EPS8L3: variants seen among roughly 807,000 people sequenced by gnomAD.
EPS8L3 encodes the protein EPS8 signaling adaptor L3, also known as epidermal growth factor receptor kinase substrate 8-like protein 3.
EPS8L3 carries 80 observed loss-of-function variants against 88.5 expected under a neutral mutation model. The ratio of observed to expected loss-of-function variants is 0.90; its 90% CI spans 0.75 to 1.09. The LOEUF (loss-of-function observed/expected upper bound fraction) is 1.09. Ranked by LOEUF, EPS8L3 falls within the 50% of genes least tolerant of loss-of-function variation. The pLI, the probability that EPS8L3 is intolerant of heterozygous loss-of-function variation, is 0.00. For missense variants in EPS8L3, 721 were observed against 735.2 expected (o/e 0.98, Z 0.22); for synonymous variants, 286 against 291.0 (o/e 0.98, Z 0.18).
At chr1:109,750,633 G>T in intron 18 of EPS8L3, 27 bp downstream of exon 18, 1 of 1,613,944 alleles carries the variant, frequency 6.2e-7, no homozygotes, top group Non-Finnish European at 8.5e-7. Flanking sequence ...ACTCCCAATG[G>T]TTGTCAGGAC....
At chr1:109,761,951 C>T (rs1558003112) in intron 1 of EPS8L3, among the ~76,000 whole-genome samples, 178 bp from the exon 2 acceptor site, 1 of 152,068 alleles carries the variant, frequency 6.6e-6, no homozygotes, top group African/African-American at 2.4e-5. Context: ...ACTGAGGAGC[C>T]CTCCATCCTG....
chr1:109,761,594 CAGA>C (rs757765388), intron 2 of EPS8L3, 35 bp from the exon 3 acceptor site: 16 of 1,611,802 alleles, frequency 9.9e-6, no homozygotes, highest in African/African-American at 1.3e-5. Context: ...GGGAGGTGGG[CAGA>C]AGAACGAGGT....
intron 1 of EPS8L3, among the ~76,000 whole-genome samples, chr1:109,762,060 G>A (rs72991176): frequency 0.019 from 2,848 of 152,282 alleles, 83 homozygotes; most frequent in African/African-American, 0.064. Flanking sequence ...TGGTTTGGCT[G>A]ATAAAGCTCA....
chr1:109,753,372 C>A (rs967368438), intron 12 of EPS8L3, among the ~76,000 whole-genome samples, 174 bp from the exon 13 acceptor site: 5 of 152,186 alleles, frequency 3.3e-5, no homozygotes, highest in African/African-American at 1.2e-4. Context: ...AAGGAGCAAG[C>A]AGTTAAGCCT....
Position 109,750,700 on chromosome 1 carries a change from C to T in EPS8L3, c.1730G>A (p.Arg577Gln), listed in dbSNP as rs577159080. 15 of 1,614,202 alleles carry T rather than the reference C, an allele frequency of 9.3e-6. No individual in the cohort carries two copies. The highest frequency in any genetic ancestry group is 7.7e-5 in the South Asian group (7 of 91,078). The change falls in exon 18 of 19, where the codon CGA (arginine) becomes CAA (glutamine). Residue 577 changes from arginine to glutamine, a missense_variant. Coordinates refer to ENST00000361965, the MANE Select transcript of EPS8L3 (RefSeq NM_133181.4). ...LQMLCPQEAP[R>Q]ILSRLEAVRR... ...GACAGCCTCCAGCCGGGACAGGATT[C>T]GTGGGGCCTCCTGTGGACATAGCAT...
intron 16 of EPS8L3, 104 bp from the exon 17 acceptor site, chr1:109,751,455 C>G: frequency 7.2e-7 from 1 of 1,395,682 alleles, no homozygotes; most frequent in Non-Finnish European, 1.0e-6. Flanking sequence ...AATCACTTCT[C>G]TTACTCTGTG....
At chr1:109,762,670 C>A (rs1053313191) in intron 1 of EPS8L3, among the ~76,000 whole-genome samples, 1 of 152,190 alleles carries the variant, frequency 6.6e-6, no homozygotes, top group Non-Finnish European at 1.5e-5. Context: ...ACGGCGTTAC[C>A]TTCAGTCACT....
At chr1:109,755,246 G>A (rs1482125799) in intron 12 of EPS8L3, among the ~76,000 whole-genome samples, 1 of 152,214 alleles carries the variant, frequency 6.6e-6, no homozygotes, top group African/African-American at 2.4e-5. Context: ...AGTGGGTAAT[G>A]GGGAATTATT....
In EPS8L3 at chr1:109,753,952, TA is replaced by T. The variant is rs1421996636; in HGVS notation, c.1119-755del. Among the ~76,000 whole-genome samples, 3 of 152,192 alleles carry T rather than the reference TA, an allele frequency of 2.0e-5. No homozygotes were observed. The East Asian group carries it at 5.8e-4, about 29-fold the overall frequency. On this transcript the variant is annotated intron_variant, in intron 12 of 18. Coordinates refer to ENST00000361965, the MANE Select transcript of EPS8L3 (RefSeq NM_133181.4). ...TTAGCTCTTTGTTTCTTACTATATA[TA>T]GATTTCCTTGGGGGCTGTACCCCTA...
In EPS8L3 at chr1:109,758,338, G is replaced by A; in HGVS notation, c.695C>T (p.Pro232Leu). The A allele has an allele frequency of 6.2e-7, 1 of 1,613,628 alleles. No individual in the cohort carries two copies. The highest frequency in any genetic ancestry group is 8.5e-7 in the Non-Finnish European group (1 of 1,179,830). ...TLPPPRRSSS[P>L]EDPERDEEVL... ...TACCTCGTCCCTCTCTGGGTCCTCG[G>A]GGGAAGAGGACCGCCTTGGAGGAGG... The change falls in exon 8 of 19, where the codon CCC becomes CTC. Residue 232 changes from proline to leucine, a missense_variant. Pro to Leu is a moderately conservative substitution (Grantham distance 98). Transcript: ENST00000361965.
chr1:109,756,334 G>A (rs997473094), intron 12 of EPS8L3, among the ~76,000 whole-genome samples: 7 of 152,186 alleles, frequency 4.6e-5, no homozygotes, highest in African/African-American at 1.4e-4. Context: ...CGCCTCCCAG[G>A]TTCAAGTGAT....
Position 109,759,042 on chromosome 1 carries a change from G to C in EPS8L3, c.461+20C>G, listed in dbSNP as rs769256076. On this transcript the variant is annotated intron_variant, in intron 6 of 18. Transcript: ENST00000361965. The surrounding 1 kb of genome is among the most constrained non-coding windows in gnomAD (Gnocchi z 4.2). The stretch of plus-strand genomic sequence containing the variant: ...CTGAGCTGGGAGGCCCCATAGGTGG[G>C]CTGGGCAGAGGCTGCCTACCTTTGC... 6.3e-7 allele frequency: 1 copy of C among 1,586,154 alleles called. No homozygotes were observed. Among genetic ancestry groups the C allele is most frequent in the South Asian group, 1.1e-5 (1 of 88,228 alleles).
intron 18 of EPS8L3, 97 bp from the exon 19 acceptor site, chr1:109,750,499 A>G: frequency 1.3e-6 from 2 of 1,587,694 alleles, no homozygotes. Context: ...GTAAGCCTGA[A>G]TGCATGAAGC....
In EPS8L3 at chr1:109,761,522, C is replaced by A; in HGVS notation, c.69G>T (p.Glu23Asp). Residue 23 changes from glutamate (E) to aspartate (D), a missense_variant, in exon 3 of 19, where the codon GAG (glutamate) becomes GAT (aspartate). Glu to Asp is a conservative substitution (Grantham distance 45). Transcript: ENST00000361965. ...RKEYSQNLTS[E>D]PTLLQHRVEH... is the part of the protein sequence containing the mutation. ...CCACCCTGTGCTGCAGGAGGGTGGG[C>A]TCTGAGGTGAGGTTCTGGGAGTACT... The A allele has an allele frequency of 1.2e-6, 2 of 1,613,420 alleles. No individual in the cohort carries two copies. Among genetic ancestry groups the A allele is most frequent in the Non-Finnish European group, 1.7e-6 (2 of 1,179,636 alleles).
At position 109,752,169 on chromosome 1, in the gene EPS8L3, G is replaced by A; in HGVS notation, c.1260C>T (p.Ser420=). 1.2e-6 allele frequency: 2 copies of A among 1,613,920 alleles called. No individual in the cohort carries two copies. The highest frequency in any genetic ancestry group is 1.7e-6 in the Non-Finnish European group (2 of 1,179,888). Residue 420 remains serine (S), a synonymous_variant, in exon 15 of 19, where the codon AGC becomes AGT. Coordinates refer to ENST00000361965, the MANE Select transcript of EPS8L3 (RefSeq NM_133181.4). ...SLRRGSHRLG[S]TSHFPQEKTH... The stretch of plus-strand genomic sequence containing the variant: ...TCTTCTCCTGAGGAAAGTGTGAGGT[G>A]CTCCCTAACCTATGACTTCCCCGCC...
At chr1:109,760,034 G>A (rs1420664366) in intron 3 of EPS8L3, 198 bp from the exon 4 acceptor site, 1 of 600,016 alleles carries the variant, frequency 1.7e-6, no homozygotes, top group Non-Finnish European at 2.9e-6. Context: ...CAGGGATAGG[G>A]CCTCCAAGTC....
intron 15 of EPS8L3, 31 bp downstream of exon 15, chr1:109,751,964 C>G (rs1255197932): frequency 6.4e-7 from 1 of 1,573,434 alleles, no homozygotes; most frequent in South Asian, 1.2e-5. Context: ...CAACCACCAC[C>G]TCCTTTTCTA....
chr1:109,753,263 G>A (rs770699037), intron 12 of EPS8L3, 65 bp from the exon 13 acceptor site: 83 of 1,369,542 alleles, frequency 6.1e-5, no homozygotes, highest in Non-Finnish European at 7.7e-5. Flanking sequence ...GCTGTGGGAC[G>A]CGGACAGGGA....
In EPS8L3 at chr1:109,750,228, G is replaced by T; in HGVS notation, c.*163C>A. 1.3e-6 allele frequency: 1 copy of T among 792,864 alleles called. No homozygotes were observed. 49.1% of individuals were successfully genotyped at this position (792,864 alleles called of 1,614,324 possible). A position where few individuals can be genotyped will look rare whatever the true frequency, so the allele number is the denominator to read the frequency against. On this transcript the variant is annotated 3_prime_UTR_variant, in exon 19 of 19. Coordinates refer to ENST00000361965, the MANE Select transcript of EPS8L3 (RefSeq NM_133181.4). ...AACACAGCCAGAAGGGACACTGTTT[G>T]CTTCAGCCTCTGGGCCTGTCCATTG...
Sources: allele counts gnomAD v4.1 joint callset (sites outside exome capture counted in the v4.1 genomes callset), GRCh38; gene constraint gnomAD v4.1.1; non-coding constraint Gnocchi (gnomAD v3.1); transcripts MANE v1.5; gene names NCBI Gene and HGNC (gene_info 2026-07-23, HGNC 2026-07-21).